Variants in SLC38A4 observed in about 807,000 individuals in gnomAD.
The protein encoded by SLC38A4 is solute carrier family 38 member 4.
Under a neutral mutation model 63.1 loss-of-function variants are expected in SLC38A4, and 20 were observed. That is an observed-to-expected ratio of 0.32 (90% confidence interval 0.22 to 0.46). The LOEUF is 0.46. Ranked by LOEUF, SLC38A4 falls within the 20% of genes least tolerant of loss-of-function variation. SLC38A4 has a pLI of 1.00. For synonymous variants in SLC38A4, 230 were observed against 225.5 expected (o/e 1.02, Z -0.18); for missense variants, 526 against 663.6 (o/e 0.79, Z 2.28).
chr12:46,771,555 C>T (rs779130303), intron 14 of SLC38A4, among the ~76,000 whole-genome samples: 11 of 151,984 alleles, frequency 7.2e-5, no homozygotes, highest in Non-Finnish European at 1.3e-4. Context: ...ATAGGTAGAA[C>T]GGTTGGAGTA....
chr12:46,780,815 A>G (rs1457339481), intron 7 of SLC38A4, among the ~76,000 whole-genome samples: 1 of 151,976 alleles, frequency 6.6e-6, no homozygotes, highest in Non-Finnish European at 1.5e-5. Flanking sequence ...TACAACTGTA[A>G]ATATTTATGC....
intron 1 of SLC38A4, among the ~76,000 whole-genome samples, chr12:46,809,508 G>A (rs1282751118): frequency 6.6e-6 from 1 of 152,046 alleles, no homozygotes; most frequent in Non-Finnish European, 1.5e-5. Context: ...ACTCCCAGGT[G>A]GGGCCATGGT....
At chr12:46,810,137 G>T (rs542654901) in intron 1 of SLC38A4, among the ~76,000 whole-genome samples, 2 of 152,054 alleles carry the variant, frequency 1.3e-5, no homozygotes, top group East Asian at 3.9e-4. Context: ...TATATGCAAG[G>T]ACCCATTAGT....
chr12:46,809,332 T>A (rs1287763309), intron 1 of SLC38A4, among the ~76,000 whole-genome samples: 1 of 152,066 alleles, frequency 6.6e-6, no homozygotes, highest in South Asian at 2.1e-4. Flanking sequence ...CACTAGAAAA[T>A]GTCTTTCAAA....
intron 3 of SLC38A4, among the ~76,000 whole-genome samples, chr12:46,790,131 TA>T (rs1255066037): frequency 6.6e-6 from 1 of 152,140 alleles, no homozygotes; most frequent in Non-Finnish European, 1.5e-5. Flanking sequence ...ATAATTATTG[TA>T]GGAGATCTGT....
At chr12:46,810,692 G>A (rs112739718) in intron 1 of SLC38A4, among the ~76,000 whole-genome samples, 3,350 of 151,710 alleles carry the variant, frequency 0.022, 124 homozygotes, top group African/African-American at 0.078. Context: ...ATTTATATTT[G>A]CCGGCTAACC....
At chr12:46,798,136 A>G (rs1309469953) in intron 2 of SLC38A4, among the ~76,000 whole-genome samples, 1 of 152,084 alleles carries the variant, frequency 6.6e-6, no homozygotes, top group African/African-American at 2.4e-5. Context: ...CCCACCATTC[A>G]TTCTTTACCC....
intron 1 of SLC38A4, among the ~76,000 whole-genome samples, chr12:46,815,396 T>G (rs1230530965): frequency 1.3e-5 from 2 of 151,194 alleles, no homozygotes; most frequent in Non-Finnish European, 3.0e-5. Flanking sequence ...TTGCTCGTTA[T>G]TCAACTCTTC....
At chr12:46,824,081 A>C (rs1939601687) in intron 1 of SLC38A4, among the ~76,000 whole-genome samples, 1 of 152,154 alleles carries the variant, frequency 6.6e-6, no homozygotes, top group Non-Finnish European at 1.5e-5. Context: ...GACCCCTGTC[A>C]AACCCAATAG....
chr12:46,812,836 C>T (rs1332295957), intron 1 of SLC38A4, among the ~76,000 whole-genome samples: 2 of 151,898 alleles, frequency 1.3e-5, no homozygotes, highest in East Asian at 3.9e-4. Context: ...AGTGGTCATC[C>T]AAAAGAAATG....
intron 7 of SLC38A4, among the ~76,000 whole-genome samples, chr12:46,780,521 C>A (rs556626263): frequency 1.3e-5 from 2 of 152,058 alleles, no homozygotes; most frequent in South Asian, 4.1e-4. Flanking sequence ...AGTCTCAGAC[C>A]ACTTATTGTC....
intron 1 of SLC38A4, among the ~76,000 whole-genome samples, chr12:46,813,419 G>T (rs1939377981): frequency 6.6e-6 from 1 of 151,866 alleles, no homozygotes; most frequent in African/African-American, 2.4e-5. Context: ...ATATGGATCT[G>T]CCCAGTGAAA....
chr12:46,784,422 A>C (rs1938715139), intron 7 of SLC38A4, 120 bp downstream of exon 7: 1 of 568,356 alleles, frequency 1.8e-6, no homozygotes, highest in African/African-American at 1.9e-5. Flanking sequence ...TTTAAAATTT[A>C]AGAACTATAA....
intron 15 of SLC38A4, among the ~76,000 whole-genome samples, chr12:46,769,034 C>G (rs1441495128): frequency 1.3e-5 from 2 of 152,056 alleles, no homozygotes; most frequent in African/African-American, 4.8e-5. Flanking sequence ...TATGACTTGA[C>G]TTTTATAGGG....
chr12:46,808,066 A>G (rs2120881215), intron 1 of SLC38A4, among the ~76,000 whole-genome samples: 1 of 152,122 alleles, frequency 6.6e-6, no homozygotes, highest in South Asian at 2.1e-4. Context: ...CCAAAATGGG[A>G]TTACTAAAAT....
intron 1 of SLC38A4, among the ~76,000 whole-genome samples, chr12:46,804,705 G>T (rs963717598): frequency 6.6e-6 from 1 of 151,956 alleles, no homozygotes; most frequent in Non-Finnish European, 1.5e-5. Flanking sequence ...AAATGTGCCC[G>T]TTTGGTCTAT....
At chr12:46,830,170 A>C (rs997371451), upstream of SLC38A4, among the ~76,000 whole-genome samples, 1 of 152,198 alleles carries the variant, frequency 6.6e-6, no homozygotes, top group South Asian at 2.1e-4. Context: ...TTCTCTGGAC[A>C]CTGGTATTCA....
At chr12:46,768,007 G>A (rs895791929) in intron 16 of SLC38A4, among the ~76,000 whole-genome samples, 6 of 152,046 alleles carry the variant, frequency 3.9e-5, no homozygotes, top group South Asian at 2.1e-4. Flanking sequence ...GATTTTCCAC[G>A]GATAGCACAA....
At chr12:46,790,523 T>C (rs1253404572) in intron 3 of SLC38A4, among the ~76,000 whole-genome samples, 1 of 152,118 alleles carries the variant, frequency 6.6e-6, no homozygotes, top group Non-Finnish European at 1.5e-5. Flanking sequence ...GATGACAGGA[T>C]AAAATGAAGC....
Sources: allele counts gnomAD v4.1 joint callset (sites outside exome capture counted in the v4.1 genomes callset), GRCh38; gene constraint gnomAD v4.1.1; transcripts MANE v1.5; gene names NCBI Gene and HGNC (gene_info 2026-07-23, HGNC 2026-07-21).